RAD21: variants seen among roughly 807,000 people sequenced by gnomAD.
RAD21 encodes double-strand-break repair protein rad21 homolog.
Under a neutral mutation model 71.5 loss-of-function variants are expected in RAD21, and 18 were observed. The observed-to-expected ratio is 0.25, with a 90% CI of 0.17 to 0.37. RAD21 has a LOEUF of 0.37. Among genes scored for constraint, RAD21 ranks in the 10% least tolerant of loss-of-function variants. RAD21 has a pLI of 1.00. For synonymous variants in RAD21, 248 were observed against 254.0 expected, an observed-to-expected ratio of 0.98 and a Z score of 0.22; for missense variants, 493 against 769.1, an observed-to-expected ratio of 0.64 and a Z score of 4.25.
At chr8:116,861,213 T>A (rs189471125) in intron 4 of RAD21, among the ~76,000 whole-genome samples, 1 of 151,974 alleles carries the variant, frequency 6.6e-6, no homozygotes, top group Non-Finnish European at 1.5e-5. Context: ...GTGTAGAGTT[T>A]CTTGGTTGTC....
At chr8:116,865,237 T>C (rs12550234) in intron 2 of RAD21, among the ~76,000 whole-genome samples, 20,602 of 152,144 alleles carry the variant, frequency 0.14, 1,757 homozygotes, top group Admixed American at 0.21. Context: ...ATATGTTCAA[T>C]TATCAGATTG....
At chr8:116,872,365 A>C (rs1812841041) in intron 1 of RAD21, among the ~76,000 whole-genome samples, 2 of 152,170 alleles carry the variant, frequency 1.3e-5, no homozygotes, top group South Asian at 2.1e-4. Context: ...TAAGTGCAAA[A>C]AAGTTGGAGT....
chr8:116,862,188 A>G (rs888819660), intron 3 of RAD21, among the ~76,000 whole-genome samples: 7 of 152,190 alleles, frequency 4.6e-5, no homozygotes, highest in African/African-American at 1.7e-4. Context: ...ATATCAACAA[A>G]TAACTAGTAA....
In RAD21 at chr8:116,846,650, AG is replaced by A. The variant is rs1812257961; in HGVS notation, c.*849del. The A allele has an allele frequency of 4.4e-6, 1 of 225,656 alleles. No homozygotes were observed. 14.0% of individuals were successfully genotyped at this position (225,656 alleles called of 1,614,324 possible). On this transcript the variant is annotated 3_prime_UTR_variant, in exon 14 of 14. Transcript: ENST00000297338. ...TAATTTCCCATCAGTCTGTCCTTGT[AG>A]TAGGCAGGGCAATTTCTGTTTTCAT...
rs1812258735 is a variant in RAD21 at position 116,846,679 on chromosome 8, T to A, written c.*821A>T. 1 of 223,884 alleles carries A rather than the reference T, an allele frequency of 4.5e-6. No homozygotes were observed. The highest frequency in any genetic ancestry group is 5.7e-5 in the Admixed American group (1 of 17,478). The allele number at this position is 223,884 out of a possible 1,614,324, so 13.9% of individuals were successfully genotyped here. On this transcript the variant is annotated 3_prime_UTR_variant, in exon 14 of 14. Coordinates refer to ENST00000297338, the MANE Select transcript of RAD21 (RefSeq NM_006265.3). ...GGCAGGGCAATTTCTGTTTTCATGA[T>A]CGGAATACTCAAATATATCCAAACA...
At position 116,852,726 on chromosome 8, in the gene RAD21, A is replaced by C. The variant is rs1812378714; in HGVS notation, c.1162-18T>G. On this transcript the variant is annotated intron_variant, in intron 9 of 13. Coordinates refer to ENST00000297338, the MANE Select transcript of RAD21 (RefSeq NM_006265.3). Reference sequence around the variant, plus strand: ...GTAAAGAGCTATTAAAAAAAAAAAAAAGAAAAATTTCAATTATAAAATAAA... The same window carrying C: ...GTAAAGAGCTATTAAAAAAAAAAAACAGAAAAATTTCAATTATAAAATAAA... The C allele has an allele frequency of 6.8e-7, 1 of 1,465,950 alleles. No individual in the cohort carries two copies. The allele number at this position is 1,465,950 out of a possible 1,614,324, so 90.8% of individuals were successfully genotyped here.
intron 13 of RAD21, 113 bp downstream of exon 13, chr8:116,848,833 A>G (rs887462665): frequency 1.6e-5 from 11 of 677,494 alleles, no homozygotes; most frequent in South Asian, 6.0e-5. Context: ...AGTTTTGGAA[A>G]AAGTTTGACA....
chr8:116,868,713 T>C (rs1375573208), intron 1 of RAD21, among the ~76,000 whole-genome samples: 3 of 152,084 alleles, frequency 2.0e-5, no homozygotes, highest in Non-Finnish European at 4.4e-5. Flanking sequence ...ACTTACTATA[T>C]AGCTATAATA....
At chr8:116,868,213 TTTG>T (rs1281678672) in intron 1 of RAD21, among the ~76,000 whole-genome samples, 2 of 152,186 alleles carry the variant, frequency 1.3e-5, no homozygotes, top group African/African-American at 4.8e-5. Flanking sequence ...TGGACTTAAT[TTTG>T]TTGTTTTGAG....
intron 11 of RAD21, 114 bp from the exon 12 acceptor site, chr8:116,850,881 A>T (rs957032598): frequency 3.0e-6 from 2 of 669,038 alleles, no homozygotes; most frequent in East Asian, 2.7e-5. Flanking sequence ...TACTGAGATT[A>T]TATCTCTATA....
In RAD21 at chr8:116,847,234, C is replaced by T. The variant is rs1485524225; in HGVS notation, c.*266G>A. 1 of 357,736 alleles carries T rather than the reference C, an allele frequency of 2.8e-6. No homozygotes were observed. The highest frequency in any genetic ancestry group is 4.2e-5 in the East Asian group (1 of 23,992). The allele number at this position is 357,736 out of a possible 1,614,324, so 22.2% of individuals were successfully genotyped here. ...TTATTACATGCACCAATATTGCACA[C>T]ATCTGTTCTGAACTGTTAAAATCAT... On this transcript the variant is annotated 3_prime_UTR_variant, in exon 14 of 14. Coordinates refer to ENST00000297338, the MANE Select transcript of RAD21 (RefSeq NM_006265.3).
intron 8 of RAD21, among the ~76,000 whole-genome samples, chr8:116,855,355 A>T (rs1239608298): frequency 6.6e-6 from 1 of 152,174 alleles, no homozygotes; most frequent in Non-Finnish European, 1.5e-5. Flanking sequence ...AGAAATTGTT[A>T]GGTTTTATAT....
chr8:116,872,557 C>CAG (rs964350103), intron 1 of RAD21, among the ~76,000 whole-genome samples: 2 of 151,778 alleles, frequency 1.3e-5, no homozygotes, highest in African/African-American at 4.9e-5. Context: ...CACACACACA[C>CAG]ACACACACAT....
chr8:116,854,322 T>C lies in RAD21; in HGVS notation c.1084A>G (p.Met362Val). 1.9e-6 allele frequency: 3 copies of C among 1,613,932 alleles called. No individual in the cohort carries two copies. Among genetic ancestry groups the C allele is most frequent in the Non-Finnish European group, 2.5e-6 (3 of 1,179,948 alleles). The change falls in exon 9 of 14, where the codon ATG becomes GTG. Residue 362 changes from methionine (M) to valine (V), a missense_variant. This residue lies in a region of RAD21 where 42 missense variants were observed against 117.2 expected (regional missense o/e 0.36). Coordinates refer to ENST00000297338, the MANE Select transcript of RAD21 (RefSeq NM_006265.3). ...DLAPPTKKLM[M>V]WKETGGVEKL... ...TCTACTCCTCCTGTCTCTTTCCACA[T>C]CATCAATTTCTTGGTGGGCGGTGCC...
At position 116,846,247 on chromosome 8, in the gene RAD21, A is replaced by G. The variant is rs769353394; in HGVS notation, c.*1253T>C. On this transcript the variant is annotated 3_prime_UTR_variant, in exon 14 of 14. Coordinates refer to ENST00000297338, the MANE Select transcript of RAD21 (RefSeq NM_006265.3). ...TTCACAAATTTAAAACATTTCACAT[A>G]ATTTTAAATTATTGGGTATACACTG... 1.9e-4 allele frequency: 44 copies of G among 231,108 alleles called. No homozygotes were observed. Among genetic ancestry groups the G allele is most frequent in the Middle Eastern group, 1.3e-3 (1 of 778 alleles). 14.3% of individuals were successfully genotyped at this position (231,108 alleles called of 1,614,324 possible).
At chr8:116,853,937 G>A (rs1186167478) in intron 9 of RAD21, among the ~76,000 whole-genome samples, 1 of 152,156 alleles carries the variant, frequency 6.6e-6, no homozygotes, top group Non-Finnish European at 1.5e-5. Context: ...AACATTTCAA[G>A]AATTCAGATG....
rs1812516295 is a variant in RAD21, at chr8:116,858,416, T to C, written c.417A>G (p.Arg139=). ...CTTCTCTCATGGTTATCTCTTCCAC[T>C]CTACTCTGATTCAAGCTGAACTGCT... is the stretch of plus-strand genomic sequence containing the variant. ...VAQQFSLNQS[R]VEEITMREEV... Residue 139 remains arginine (R), a synonymous_variant, in exon 5 of 14, where the codon AGA becomes AGG. Coordinates refer to ENST00000297338, the MANE Select transcript of RAD21 (RefSeq NM_006265.3). The C allele has an allele frequency of 1.2e-6, 2 of 1,613,200 alleles. No homozygotes were observed. The highest frequency in any genetic ancestry group is 1.6e-4 in the Middle Eastern group (1 of 6,076).
rs1812250286 is a variant in RAD21 at position 116,846,197 on chromosome 8, G to C, written c.*1303C>G. On this transcript the variant is annotated 3_prime_UTR_variant, in exon 14 of 14. Transcript: ENST00000297338. ...ATACAATTACCACTCTGAAGAAACT[G>C]AATCATTAAAACAGTAATTACGAGT... 1 of 231,102 alleles carries C rather than the reference G, an allele frequency of 4.3e-6. No individual in the cohort carries two copies. 14.3% of individuals were successfully genotyped at this position (231,102 alleles called of 1,614,324 possible). A position where few individuals can be genotyped will look rare whatever the true frequency, so the allele number is the denominator to read the frequency against.
chr8:116,856,478 G>C (rs1413527100), intron 7 of RAD21, among the ~76,000 whole-genome samples, 168 bp downstream of exon 7: 2 of 152,066 alleles, frequency 1.3e-5, no homozygotes, highest in Non-Finnish European at 2.9e-5. Context: ...AAAATGGGGA[G>C]GGGTGCAAGA....
Sources: allele counts gnomAD v4.1 joint callset (sites outside exome capture counted in the v4.1 genomes callset), GRCh38; gene constraint gnomAD v4.1.1; regional missense constraint gnomAD v4.1.1; transcripts MANE v1.5; gene names NCBI Gene and HGNC (gene_info 2026-07-23, HGNC 2026-07-21).